Variants in CCSER1 observed in about 807,000 individuals in gnomAD.
The protein encoded by CCSER1 is coiled-coil serine rich protein 1.
In CCSER1, 41 loss-of-function variants were observed where a neutral mutation model predicts 82.0. That is an observed-to-expected ratio of 0.50 (90% CI 0.39 to 0.65). The LOEUF (loss-of-function observed/expected upper bound fraction) is 0.65, where lower values mean the gene tolerates loss of function less well. CCSER1 is among the 30% of genes least tolerant of loss of function. CCSER1 has a pLI of 0.00. For synonymous variants in CCSER1, 414 were observed against 383.9 expected, an observed-to-expected ratio of 1.08 and a Z score of -0.92; for missense variants, 1,119 against 1,064.2, an observed-to-expected ratio of 1.05 and a Z score of -0.72.
chr4:91,594,081 G>A (rs1316670478), intron 10 of CCSER1, among the ~76,000 whole-genome samples: 2 of 151,980 alleles, frequency 1.3e-5, no homozygotes, highest in Non-Finnish European at 2.9e-5. Context: ...CTAGCTGCAT[G>A]ACAACTAAAT....
chr4:91,533,985 C>T (rs1207070211), intron 10 of CCSER1, among the ~76,000 whole-genome samples: 1 of 151,962 alleles, frequency 6.6e-6, no homozygotes, highest in Admixed American at 6.6e-5. Flanking sequence ...TCATTTTCCC[C>T]TTGAGACTCT....
intron 4 of CCSER1, among the ~76,000 whole-genome samples, chr4:90,434,006 T>G (rs2153568296): frequency 6.6e-6 from 1 of 152,096 alleles, no homozygotes; most frequent in Admixed American, 6.5e-5. Flanking sequence ...AATATTTTTA[T>G]AGTTTAAAAG....
intron 5 of CCSER1, among the ~76,000 whole-genome samples, chr4:90,513,551 G>A (rs893208050): frequency 2.0e-5 from 3 of 152,118 alleles, no homozygotes; most frequent in Non-Finnish European, 2.9e-5. Context: ...GAATATGTTA[G>A]GGCAGGTATT....
At chr4:90,736,527 C>T (rs1745672169) in intron 7 of CCSER1, among the ~76,000 whole-genome samples, 1 of 151,860 alleles carries the variant, frequency 6.6e-6, no homozygotes, top group African/African-American at 2.4e-5. Context: ...ATAGCTAGTC[C>T]TGCTCTTGTT....
chr4:90,659,691 G>A (rs2036102005), intron 6 of CCSER1, among the ~76,000 whole-genome samples: 1 of 151,980 alleles, frequency 6.6e-6, no homozygotes, highest in African/African-American at 2.4e-5. Context: ...CTTAGTAATT[G>A]CATTTCCATT....
intron 10 of CCSER1, among the ~76,000 whole-genome samples, chr4:91,180,510 C>T (rs980251368): frequency 1.2e-4 from 18 of 152,318 alleles, no homozygotes; most frequent in South Asian, 4.1e-4. Context: ...TCAGCAATGG[C>T]GGACGCCCCT....
chr4:91,325,876 T>C (rs1244205448), intron 10 of CCSER1, among the ~76,000 whole-genome samples: 1 of 152,210 alleles, frequency 6.6e-6, no homozygotes, highest in African/African-American at 2.4e-5. Context: ...AAGATTAGTT[T>C]TAGTTTGAGA....
At chr4:90,200,170 C>G (rs1016170415) in intron 1 of CCSER1, among the ~76,000 whole-genome samples, 25 of 151,850 alleles carry the variant, frequency 1.6e-4, no homozygotes, top group Non-Finnish European at 3.4e-4. Flanking sequence ...AACCTGAAGT[C>G]ATGATGGCAT....
At chr4:90,647,876 A>G (rs985088697) in intron 6 of CCSER1, among the ~76,000 whole-genome samples, 1 of 152,174 alleles carries the variant, frequency 6.6e-6, no homozygotes, top group African/African-American at 2.4e-5. Flanking sequence ...AGTAATAACA[A>G]TTGGTATTTG....
chr4:91,598,552 C>T lies in CCSER1; in HGVS notation c.2218-20C>T, dbSNP rs1337602756. On this transcript the variant is annotated intron_variant, in intron 10 of 10. Coordinates refer to ENST00000509176, the MANE Select transcript of CCSER1 (RefSeq NM_001145065.2). Reference sequence around the variant, plus strand: ...AAGTGTTTTTTTAAGACATCTTTTTCTTTCTGTGTCTTACCATAGGCTACA... The same window carrying T: ...AAGTGTTTTTTTAAGACATCTTTTTTTTTCTGTGTCTTACCATAGGCTACA... The T allele has an allele frequency of 6.6e-7, 1 of 1,520,750 alleles. No individual in the cohort carries two copies. Among genetic ancestry groups the T allele is most frequent in the South Asian group, 1.2e-5 (1 of 81,156 alleles). 94.2% of individuals were successfully genotyped at this position (1,520,750 alleles called of 1,614,324 possible). A position where few individuals can be genotyped will look rare whatever the true frequency, so the allele number is the denominator to read the frequency against.
At chr4:90,894,563 C>T (rs1441186022) in intron 8 of CCSER1, among the ~76,000 whole-genome samples, 2 of 151,992 alleles carry the variant, frequency 1.3e-5, no homozygotes, top group Non-Finnish European at 2.9e-5. Flanking sequence ...AGCTGCATCT[C>T]TCCCTATCCT....
chr4:90,861,924 A>ATTTT (rs200410629), intron 8 of CCSER1, among the ~76,000 whole-genome samples: 7,240 of 108,502 alleles, frequency 0.067, 184 homozygotes, highest in Non-Finnish European at 0.089. Flanking sequence ...ATATATATAT[A>ATTTT]TATTTTTTTT....
At chr4:90,271,705 A>G (rs573175955) in intron 1 of CCSER1, among the ~76,000 whole-genome samples, 7 of 151,242 alleles carry the variant, frequency 4.6e-5, no homozygotes, top group Admixed American at 3.3e-4. Context: ...TAAAGAGACA[A>G]CCCACAGAAT....
chr4:90,917,691 C>T (rs1727705392), intron 8 of CCSER1, among the ~76,000 whole-genome samples: 1 of 151,786 alleles, frequency 6.6e-6, no homozygotes, highest in Non-Finnish European at 1.5e-5. Flanking sequence ...AAAATTACAT[C>T]AGGATTTTAT....
chr4:90,325,601 G>A (rs999868043), intron 3 of CCSER1: 1 of 442,710 alleles, frequency 2.3e-6, no homozygotes, highest in Admixed American at 2.4e-5. Flanking sequence ...TTCAGGGTCT[G>A]CGACAGATCT....
chr4:90,798,241 A>C (rs771195457), intron 7 of CCSER1, among the ~76,000 whole-genome samples: 6 of 151,982 alleles, frequency 3.9e-5, no homozygotes, highest in African/African-American at 1.5e-4. Flanking sequence ...AATTCATGAG[A>C]TTCTTTCCTT....
At chr4:90,761,261 A>C (rs574329138) in intron 7 of CCSER1, among the ~76,000 whole-genome samples, 1 of 152,240 alleles carries the variant, frequency 6.6e-6, no homozygotes, top group Non-Finnish European at 1.5e-5. Context: ...GCTCACACTG[A>C]CTGCAAAAGT....
At chr4:90,234,928 T>C (rs1327144611) in intron 1 of CCSER1, 1 of 152,202 alleles carries the variant, frequency 6.6e-6, no homozygotes, top group Non-Finnish European at 1.5e-5. Context: ...TCTATTTTCC[T>C]ACTTCCTTTG....
At chr4:91,220,867 A>G (rs941420613) in intron 10 of CCSER1, among the ~76,000 whole-genome samples, 1 of 152,188 alleles carries the variant, frequency 6.6e-6, no homozygotes, top group Non-Finnish European at 1.5e-5. Context: ...ATACATATAT[A>G]TCAAAATATC....
Sources: allele counts gnomAD v4.1 joint callset (sites outside exome capture counted in the v4.1 genomes callset), GRCh38; gene constraint gnomAD v4.1.1; transcripts MANE v1.5; gene names NCBI Gene and HGNC (gene_info 2026-07-23, HGNC 2026-07-21).